FSD1L: variants seen among roughly 807,000 people sequenced by gnomAD.
FSD1L encodes the protein FSD1-like protein.
In FSD1L, 45 loss-of-function variants were observed where a neutral mutation model predicts 71.6. The ratio of observed to expected loss-of-function variants is 0.63; its 90% CI spans 0.49 to 0.81. FSD1L has a LOEUF of 0.81. Among genes scored for constraint, FSD1L ranks in the 30% least tolerant of loss-of-function variants. The pLI is 0.00. For missense variants in FSD1L, 561 were observed against 618.1 expected (o/e 0.91, Z 0.98); for synonymous variants, 197 against 207.2 (o/e 0.95, Z 0.42).
At chr9:105,519,295 C>T (rs1834955642) in intron 10 of FSD1L, among the ~76,000 whole-genome samples, 1 of 152,156 alleles carries the variant, frequency 6.6e-6, no homozygotes, top group Non-Finnish European at 1.5e-5. Flanking sequence ...TCCTCCCTAA[C>T]TCATTTTATC....
intron 12 of FSD1L, among the ~76,000 whole-genome samples, chr9:105,535,797 TA>T (rs944252578): frequency 4.0e-5 from 6 of 151,274 alleles, no homozygotes; most frequent in African/African-American, 9.7e-5. Flanking sequence ...CTACAAAAAT[TA>T]AAAAAAAATT....
In FSD1L at chr9:105,452,746, CTCTT is replaced by C. The variant is rs556902848; in HGVS notation, c.15+4513_15+4516del. 8.8e-4 allele frequency among the ~76,000 whole-genome samples: 131 copies of C among 148,372 alleles called. 2 individuals carry two copies. Among genetic ancestry groups the C allele is most frequent in the Non-Finnish European group, 1.7e-3 (114 of 67,746 alleles). ...TCCTTCTTTCCTCCTCTCCTCTCCT[CTCTT>C]TTTCTTTTCTTTTTTCTTTCTCAGA... On this transcript the variant is annotated intron_variant, in intron 1 of 13. Transcript: ENST00000481272.
At chr9:105,467,081 A>G (rs1831131770) in intron 3 of FSD1L, among the ~76,000 whole-genome samples, 1 of 152,158 alleles carries the variant, frequency 6.6e-6, no homozygotes, top group Non-Finnish European at 1.5e-5. Flanking sequence ...GCCTTGTATA[A>G]GGTCATGCTG....
chr9:105,494,685 G>C (rs1277609266), intron 7 of FSD1L, among the ~76,000 whole-genome samples: 10 of 152,136 alleles, frequency 6.6e-5, no homozygotes, highest in Admixed American at 2.6e-4. Flanking sequence ...TTTTGGCGTG[G>C]ATGTCCTTTC....
At chr9:105,478,031 T>G (rs1377530634) in intron 5 of FSD1L, among the ~76,000 whole-genome samples, 1 of 151,930 alleles carries the variant, frequency 6.6e-6, no homozygotes, top group Non-Finnish European at 1.5e-5. Flanking sequence ...GATCACGAGG[T>G]CAGGAGATCA....
chr9:105,535,029 A>G, intron 11 of FSD1L, 38 bp from the exon 12 acceptor site: 6 of 1,546,812 alleles, frequency 3.9e-6, no homozygotes, highest in Non-Finnish European at 5.2e-6. Flanking sequence ...ACTCATAAGG[A>G]AGAGATGAGT....
intron 11 of FSD1L, 53 bp downstream of exon 11, chr9:105,534,646 C>A: frequency 9.6e-7 from 1 of 1,037,568 alleles, no homozygotes; most frequent in South Asian, 1.5e-5. Context: ...GCATCACAAT[C>A]ACACTGGTGG....
chr9:105,448,904 T>C (rs1829807339), intron 1 of FSD1L, among the ~76,000 whole-genome samples: 1 of 152,164 alleles, frequency 6.6e-6, no homozygotes, highest in Non-Finnish European at 1.5e-5. Flanking sequence ...TCCGAACAGT[T>C]GAGGAAAGGT....
At chr9:105,479,145 TG>T (rs1194569358) in intron 5 of FSD1L, among the ~76,000 whole-genome samples, 1 of 152,192 alleles carries the variant, frequency 6.6e-6, no homozygotes, top group African/African-American at 2.4e-5. Flanking sequence ...GTGATTTTTG[TG>T]GGGTCTGGAT....
At chr9:105,447,391 C>G (rs1031459441), upstream of FSD1L, among the ~76,000 whole-genome samples, 1 of 147,618 alleles carries the variant, frequency 6.8e-6, no homozygotes, top group Non-Finnish European at 1.5e-5. Context: ...ATGTACCATA[C>G]GTTATTTAAT....
At chr9:105,533,416 C>CTTTTTTTTGTTTTTTTTTTTTTTT (rs1836035123) in intron 10 of FSD1L, among the ~76,000 whole-genome samples, 1 of 29,070 alleles carries the variant, frequency 3.4e-5, no homozygotes, top group African/African-American at 1.3e-4. Context: ...CCATTTCCAT[C>CTTTTTTTTGTTTTTTTTTTTTTTT]TTTTTTTTTT....
chr9:105,520,526 T>A, intron 10 of FSD1L: 1 of 1,177,026 alleles, frequency 8.5e-7, no homozygotes. Flanking sequence ...TTTGAGAAAA[T>A]TTTACAACTT....
intron 1 of FSD1L, among the ~76,000 whole-genome samples, chr9:105,456,670 A>AT (rs1000008526): frequency 3.3e-5 from 5 of 152,058 alleles, no homozygotes; most frequent in Admixed American, 1.3e-4. Context: ...ACATCATTGT[A>AT]TTTTTTTGTT....
intron 4 of FSD1L, among the ~76,000 whole-genome samples, chr9:105,471,648 G>T (rs1010249881): frequency 4.0e-5 from 6 of 149,942 alleles, no homozygotes; most frequent in Non-Finnish European, 5.9e-5. Context: ...AGCTGTTTTC[G>T]ATAAATTATG....
At chr9:105,481,935 G>A (rs1221285718) in intron 6 of FSD1L, among the ~76,000 whole-genome samples, 2 of 151,828 alleles carry the variant, frequency 1.3e-5, no homozygotes, top group Non-Finnish European at 2.9e-5. Flanking sequence ...ACCATGCCCC[G>A]TTAATTTTTT....
At chr9:105,489,653 C>A (rs1382207503) in intron 7 of FSD1L, among the ~76,000 whole-genome samples, 1 of 152,150 alleles carries the variant, frequency 6.6e-6, no homozygotes, top group African/African-American at 2.4e-5. Context: ...TATCCCTCCC[C>A]ACTCCCCTCA....
At chr9:105,503,935 C>T (rs953182917) in intron 7 of FSD1L, among the ~76,000 whole-genome samples, 9 of 152,048 alleles carry the variant, frequency 5.9e-5, no homozygotes, top group African/African-American at 2.2e-4. Flanking sequence ...CTTTTGGGGA[C>T]CATTATTCAC....
At chr9:105,534,665 CT>C in intron 11 of FSD1L, 72 bp downstream of exon 11, 1 of 819,352 alleles carries the variant, frequency 1.2e-6, no homozygotes, top group Non-Finnish European at 2.0e-6. Context: ...GGACTTTCCA[CT>C]CAAAGTGACT....
the FSD1L span, among the ~76,000 whole-genome samples, chr9:105,442,275 A>G: frequency 6.6e-6 from 1 of 152,206 alleles, no homozygotes; most frequent in Admixed American, 6.5e-5. Flanking sequence ...GAGGAGATTC[A>G]GAGAGCCTTC....
Sources: gnomAD v4.1 joint callset for allele counts (sites outside exome capture counted in the v4.1 genomes callset) on GRCh38, gnomAD v4.1.1 for gene constraint, MANE v1.5 for transcripts, NCBI Gene and HGNC (gene_info 2026-07-23, HGNC 2026-07-21) for gene names.